PHF21A: variants seen among roughly 807,000 people sequenced by gnomAD.
PHF21A encodes BHC80a.
Under a neutral mutation model 82.5 loss-of-function variants are expected in PHF21A, and 11 were observed. The ratio of observed to expected loss-of-function variants is 0.13; its 90% CI spans 0.08 to 0.22. The LOEUF (loss-of-function observed/expected upper bound fraction) is 0.22. PHF21A is among the 10% of genes least tolerant of loss of function. PHF21A has a pLI of 1.00. For missense variants in PHF21A, 579 were observed against 837.8 expected, an observed-to-expected ratio of 0.69 and a Z score of 3.81; for synonymous variants, 297 against 302.8, an observed-to-expected ratio of 0.98 and a Z score of 0.20.
At chr11:46,016,110 A>G (rs996626601) in intron 6 of PHF21A, among the ~76,000 whole-genome samples, 14 of 152,220 alleles carry the variant, frequency 9.2e-5, no homozygotes, top group African/African-American at 3.4e-4. Context: ...TGAGTAATGT[A>G]TTACGCTACC....
chr11:45,938,322 T>C lies in PHF21A; in HGVS notation c.1453-10A>G, dbSNP rs772773440. ...CCTCATGAATATCACCCTATAAAGT[T>C]GAGAGGAAAGGTAAGAAAAAGGACA... On this transcript the variant is annotated splice_polypyrimidine_tract_variant and intron_variant, in intron 15 of 18. Transcript: ENST00000676320. The C allele has an allele frequency of 6.2e-7, 1 of 1,601,196 alleles. No homozygotes were observed. The highest frequency in any genetic ancestry group is 8.5e-7 in the Non-Finnish European group (1 of 1,173,758).
intron 6 of PHF21A, among the ~76,000 whole-genome samples, chr11:46,026,065 A>G (rs1047993858): frequency 4.6e-5 from 7 of 151,872 alleles, no homozygotes; most frequent in African/African-American, 1.7e-4. Context: ...TTATCTAAAT[A>G]TATCCTGGTA....
At chr11:45,962,644 C>A (rs912548810) in intron 10 of PHF21A, among the ~76,000 whole-genome samples, 1 of 125,114 alleles carries the variant, frequency 8.0e-6, no homozygotes, top group Non-Finnish European at 1.7e-5. Flanking sequence ...GTAATCCCAG[C>A]ACTTTGGGAG....
At chr11:46,100,812 G>A (rs1160306326) in intron 1 of PHF21A, among the ~76,000 whole-genome samples, 2 of 152,276 alleles carry the variant, frequency 1.3e-5, no homozygotes, top group Admixed American at 1.3e-4. Context: ...CACAACTGCA[G>A]ACATATGTAC....
At chr11:46,032,698 G>A (rs1390527193) in intron 6 of PHF21A, among the ~76,000 whole-genome samples, 4 of 151,986 alleles carry the variant, frequency 2.6e-5, no homozygotes, top group Non-Finnish European at 4.4e-5. Flanking sequence ...CTGCCTGTTT[G>A]TCTATCTCTT....
chr11:45,936,152 C>A (rs565420100), intron 17 of PHF21A, among the ~76,000 whole-genome samples: 7 of 152,280 alleles, frequency 4.6e-5, no homozygotes, highest in African/African-American at 1.7e-4. Flanking sequence ...GTAGTACACA[C>A]CTATAGTCTC....
intron 6 of PHF21A, among the ~76,000 whole-genome samples, chr11:46,012,621 A>C (rs1416890663): frequency 4.6e-5 from 7 of 152,184 alleles, no homozygotes; most frequent in Non-Finnish European, 1.5e-5. Context: ...GAGGTAACAT[A>C]TATCAATATA....
chr11:46,061,458 CATTA>C (rs1469388566), intron 6 of PHF21A, among the ~76,000 whole-genome samples: 5 of 152,158 alleles, frequency 3.3e-5, no homozygotes, highest in African/African-American at 9.7e-5. Flanking sequence ...ATATAAATAA[CATTA>C]ATTAATTGGT....
intron 15 of PHF21A, 45 bp downstream of exon 15, chr11:45,945,795 A>G (rs1425046181): frequency 6.6e-7 from 1 of 1,508,040 alleles, no homozygotes; most frequent in African/African-American, 1.4e-5. Context: ...GCTTTTCCCA[A>G]TTTAAGCTCT....
intron 10 of PHF21A, among the ~76,000 whole-genome samples, chr11:45,956,525 G>C (rs1034375018): frequency 2.6e-5 from 4 of 151,840 alleles, no homozygotes; most frequent in African/African-American, 7.3e-5. Context: ...TTGTTACATG[G>C]ATATATTGCA....
chr11:45,955,682 A>G (rs534374750), intron 10 of PHF21A, among the ~76,000 whole-genome samples: 1 of 152,362 alleles, frequency 6.6e-6, no homozygotes, highest in South Asian at 2.1e-4. Flanking sequence ...AATAATACCA[A>G]AAGGATCCAA....
intron 9 of PHF21A, among the ~76,000 whole-genome samples, chr11:45,968,480 C>G (rs1308576078): frequency 6.6e-6 from 1 of 152,196 alleles, no homozygotes; most frequent in Non-Finnish European, 1.5e-5. Context: ...ACACATTTCT[C>G]CACCCTGGAA....
chr11:45,945,736 A>C, intron 15 of PHF21A, 104 bp downstream of exon 15: 4 of 945,812 alleles, frequency 4.2e-6, no homozygotes, highest in Non-Finnish European at 4.7e-6. Context: ...TTGCTGTTCC[A>C]GGGTTAGTCA....
At chr11:46,036,870 T>C (rs1448619325) in intron 6 of PHF21A, among the ~76,000 whole-genome samples, 1 of 152,210 alleles carries the variant, frequency 6.6e-6, no homozygotes, top group Non-Finnish European at 1.5e-5. Flanking sequence ...GCATTTTTTA[T>C]GTTTAAAAAA....
intron 6 of PHF21A, among the ~76,000 whole-genome samples, chr11:45,987,488 C>T (rs1462808261): frequency 1.3e-4 from 19 of 151,070 alleles, no homozygotes; most frequent in East Asian, 2.0e-4. Context: ...GGTGAAACTC[C>T]GTCTCTACTA....
intron 10 of PHF21A, among the ~76,000 whole-genome samples, chr11:45,963,420 C>CAAAAAAAAAA (rs35389845): frequency 1.1e-5 from 1 of 89,950 alleles, no homozygotes; most frequent in Non-Finnish European, 2.4e-5. Flanking sequence ...AACTCTGTGT[C>CAAAAAAAAAA]AAAAAAAAAA....
At chr11:45,995,944 A>T (rs1001951717) in intron 6 of PHF21A, among the ~76,000 whole-genome samples, 18 of 152,116 alleles carry the variant, frequency 1.2e-4, no homozygotes, top group African/African-American at 4.1e-4. Flanking sequence ...TAAAAAAATA[A>T]TTTTTATTTA....
chr11:46,075,704 TG>T (rs1288520390), intron 6 of PHF21A, among the ~76,000 whole-genome samples: 1 of 152,224 alleles, frequency 6.6e-6, no homozygotes, highest in Admixed American at 6.5e-5. Flanking sequence ...TCACTCAGCT[TG>T]GAAGATGATT....
At chr11:46,019,393 A>G (rs2095585436) in intron 6 of PHF21A, among the ~76,000 whole-genome samples, 1 of 152,180 alleles carries the variant, frequency 6.6e-6, no homozygotes, top group South Asian at 2.1e-4. Flanking sequence ...AAGCATGTAC[A>G]CCACGCCAAA....
Sources: allele counts gnomAD v4.1 joint callset (sites outside exome capture counted in the v4.1 genomes callset), GRCh38; gene constraint gnomAD v4.1.1; transcripts MANE v1.5; gene names NCBI Gene and HGNC (gene_info 2026-07-23, HGNC 2026-07-21).